ANKS1B: variants seen among roughly 807,000 people sequenced by gnomAD.
ANKS1B encodes ankyrin repeat and sterile alpha motif domain-containing protein 1B.
ANKS1B carries 36 observed loss-of-function variants against 148.3 expected under a neutral mutation model. The ratio of observed to expected loss-of-function variants is 0.24; its 90% confidence interval spans 0.19 to 0.32. The LOEUF is 0.32. Among genes scored for constraint, ANKS1B ranks in the 10% least tolerant of loss-of-function variants. ANKS1B has a pLI of 1.00. For missense variants in ANKS1B, 1,157 were observed against 1,542.6 expected, an observed-to-expected ratio of 0.75 and a Z score of 4.19; for synonymous variants, 542 against 560.8, an observed-to-expected ratio of 0.97 and a Z score of 0.47.
At chr12:99,942,046 CA>C (rs1469713738) in intron 1 of ANKS1B, among the ~76,000 whole-genome samples, 2 of 152,058 alleles carry the variant, frequency 1.3e-5, no homozygotes, top group Non-Finnish European at 2.9e-5. Context: ...AGGCATCTAG[CA>C]TAAATATGAG....
At chr12:99,965,251 C>T (rs770556487) in intron 1 of ANKS1B, among the ~76,000 whole-genome samples, 2 of 151,962 alleles carry the variant, frequency 1.3e-5, no homozygotes, top group Non-Finnish European at 2.9e-5. Context: ...CAAGGAAATG[C>T]TCAAGGAATG....
At chr12:99,164,221 C>T (rs2076978388) in intron 14 of ANKS1B, among the ~76,000 whole-genome samples, 1 of 151,948 alleles carries the variant, frequency 6.6e-6, no homozygotes, top group Non-Finnish European at 1.5e-5. Context: ...GTGTCTATCC[C>T]ATTATTTTTA....
At chr12:98,737,518 T>G (rs955720709) in intron 9 of ANKS1B, among the ~76,000 whole-genome samples, 11 of 152,346 alleles carry the variant, frequency 7.2e-5, no homozygotes, top group Non-Finnish European at 1.2e-4. Context: ...AAGCCAGGAC[T>G]GTATAGAGTC....
At chr12:99,150,996 A>C (rs1174117539) in intron 15 of ANKS1B, among the ~76,000 whole-genome samples, 1 of 152,168 alleles carries the variant, frequency 6.6e-6, no homozygotes, top group Non-Finnish European at 1.5e-5. Context: ...GACCTGATGT[A>C]CTTCTGAAAC....
rs913100152 is a variant in ANKS1B at position 99,683,083 on chromosome 12, G to C, written c.1129-27873C>G. 9.9e-5 allele frequency among the ~76,000 whole-genome samples: 15 copies of C among 152,008 alleles called. No homozygotes were observed. The East Asian group carries it at 2.9e-3, about 29-fold the overall frequency. On this transcript the variant is annotated intron_variant, in intron 8 of 26. Transcript: ENST00000683438. Reference sequence around the variant, plus strand: ...TCCCCTTATGTAACCACCAGGTCTCGTGAGACTTATACACTACCATGAGAA... The same window carrying C: ...TCCCCTTATGTAACCACCAGGTCTCCTGAGACTTATACACTACCATGAGAA...
intron 7 of ANKS1B, among the ~76,000 whole-genome samples, chr12:99,774,054 A>G (rs1160868275): frequency 2.6e-5 from 4 of 152,274 alleles, no homozygotes; most frequent in East Asian, 1.9e-4. Flanking sequence ...AACTCCTAAA[A>G]GAAAACATAG....
chr12:98,988,029 C>A (rs1276291506), intron 17 of ANKS1B, among the ~76,000 whole-genome samples: 1 of 152,092 alleles, frequency 6.6e-6, no homozygotes, highest in Non-Finnish European at 1.5e-5. Context: ...TTATTGCATG[C>A]AACATGATGT....
intron 12 of ANKS1B, among the ~76,000 whole-genome samples, chr12:99,270,003 T>C (rs1300066932): frequency 6.6e-6 from 1 of 152,150 alleles, no homozygotes; most frequent in East Asian, 1.9e-4. Flanking sequence ...GAATGATGAA[T>C]AGTACATTTT....
chr12:98,807,268 TC>T (rs2099057703), intron 20 of ANKS1B, among the ~76,000 whole-genome samples: 1 of 152,128 alleles, frequency 6.6e-6, no homozygotes, highest in Non-Finnish European at 1.5e-5. Flanking sequence ...TTTGCAAAGA[TC>T]AATTCAGTAC....
chr12:99,631,539 A>T (rs1032238365), intron 9 of ANKS1B, among the ~76,000 whole-genome samples: 2 of 152,180 alleles, frequency 1.3e-5, no homozygotes, highest in African/African-American at 4.8e-5. Flanking sequence ...TATGCACAGT[A>T]AAGGCCATTT....
At chr12:98,935,935 T>C (rs1027063909) in intron 17 of ANKS1B, among the ~76,000 whole-genome samples, 2 of 152,204 alleles carry the variant, frequency 1.3e-5, no homozygotes, top group Non-Finnish European at 2.9e-5. Flanking sequence ...TATTATTGTG[T>C]ATAAAAAAGT....
intron 17 of ANKS1B, among the ~76,000 whole-genome samples, chr12:98,890,408 G>T (rs181796009): frequency 5.3e-5 from 8 of 151,892 alleles, no homozygotes; most frequent in East Asian, 2.0e-4. Context: ...TGACAGTTAA[G>T]ACAGAAAAAA....
chr12:99,597,178 G>A (rs1270432694), intron 9 of ANKS1B, among the ~76,000 whole-genome samples: 1 of 151,604 alleles, frequency 6.6e-6, no homozygotes, highest in African/African-American at 2.4e-5. Context: ...GATGTGCCAG[G>A]AAGTCTTCTT....
chr12:99,597,898 G>C (rs1311776702), intron 9 of ANKS1B, among the ~76,000 whole-genome samples: 1 of 151,928 alleles, frequency 6.6e-6, no homozygotes, highest in East Asian at 1.9e-4. Flanking sequence ...ATGTAAATGA[G>C]CTGTATACAT....
intron 17 of ANKS1B, among the ~76,000 whole-genome samples, chr12:98,944,806 A>C (rs2099842584): frequency 6.6e-6 from 1 of 152,150 alleles, no homozygotes; most frequent in Non-Finnish European, 1.5e-5. Context: ...GTTGTGTGGG[A>C]GTTTATGTGT....
At chr12:99,901,358 T>A (rs948523531) in intron 1 of ANKS1B, among the ~76,000 whole-genome samples, 5 of 152,194 alleles carry the variant, frequency 3.3e-5, no homozygotes, top group Admixed American at 1.3e-4. Context: ...TTAGCAATTA[T>A]CTCAACGCCA....
intron 10 of ANKS1B, among the ~76,000 whole-genome samples, chr12:99,450,627 T>G (rs1434844577): frequency 1.3e-5 from 2 of 152,220 alleles, no homozygotes; most frequent in Non-Finnish European, 2.9e-5. Context: ...TCTGAATCCA[T>G]GAGCTATACC....
chr12:99,452,082 G>A (rs1434846014), intron 10 of ANKS1B, among the ~76,000 whole-genome samples: 1 of 151,790 alleles, frequency 6.6e-6, no homozygotes, highest in Admixed American at 6.6e-5. Flanking sequence ...TTCTGTAAAG[G>A]GCCAGATGGT....
intron 9 of ANKS1B, among the ~76,000 whole-genome samples, chr12:99,515,457 C>T (rs1156751312): frequency 6.6e-6 from 1 of 152,090 alleles, no homozygotes; most frequent in Non-Finnish European, 1.5e-5. Flanking sequence ...GTTTATTTCA[C>T]TTAACGTAAT....
Sources: gnomAD v4.1 joint callset for allele counts (sites outside exome capture counted in the v4.1 genomes callset) on GRCh38, gnomAD v4.1.1 for gene constraint, MANE v1.5 for transcripts, NCBI Gene and HGNC (gene_info 2026-07-23, HGNC 2026-07-21) for gene names.